Variants in RNGTT observed in about 807,000 individuals in gnomAD.
The protein encoded by RNGTT is mRNA-capping enzyme.
Under a neutral mutation model 79.3 loss-of-function variants are expected in RNGTT, and 33 were observed. The ratio of observed to expected loss-of-function variants is 0.42; its 90% CI spans 0.32 to 0.56. RNGTT has a LOEUF of 0.56. Among genes scored for constraint, RNGTT ranks in the 20% least tolerant of loss-of-function variants. The probability of loss-of-function intolerance (pLI) is 0.17; values close to 1 mark genes in which losing one functional copy is unlikely to be tolerated. For synonymous variants in RNGTT, 222 were observed against 235.9 expected (o/e 0.94, Z 0.54); for missense variants, 497 against 739.1 (o/e 0.67, Z 3.80).
At chr6:88,832,380 C>T (rs1780900999) in intron 11 of RNGTT, among the ~76,000 whole-genome samples, 2 of 152,142 alleles carry the variant, frequency 1.3e-5, no homozygotes, top group Admixed American at 6.5e-5. Flanking sequence ...GGAAAACTGG[C>T]TAGCAATATG....
chr6:88,645,315 A>C (rs369638605), intron 14 of RNGTT, among the ~76,000 whole-genome samples: 12 of 152,152 alleles, frequency 7.9e-5, no homozygotes, highest in South Asian at 2.1e-4. Flanking sequence ...AGGACCTCTT[A>C]AAGGAGAACT....
intron 13 of RNGTT, among the ~76,000 whole-genome samples, chr6:88,680,795 A>T (rs2610730): frequency 0.26 from 40,049 of 151,562 alleles, 9,253 homozygotes; most frequent in African/African-American, 0.63. Context: ...AGAGAATATT[A>T]ATAGCTGCTA....
chr6:88,864,165 G>C (rs770897332), intron 8 of RNGTT, among the ~76,000 whole-genome samples: 1 of 152,042 alleles, frequency 6.6e-6, no homozygotes, highest in Non-Finnish European at 1.5e-5. Context: ...ACAGGTCCTA[G>C]TCAAAGCACT....
intron 13 of RNGTT, among the ~76,000 whole-genome samples, chr6:88,714,090 T>A (rs993185548): frequency 6.6e-6 from 1 of 152,208 alleles, no homozygotes; most frequent in African/African-American, 2.4e-5. Context: ...TTTCCTCATC[T>A]ATAAAATGGA....
At chr6:88,642,525 C>CCTTTAAA in intron 14 of RNGTT, among the ~76,000 whole-genome samples, 1 of 152,270 alleles carries the variant, frequency 6.6e-6, no homozygotes, top group Admixed American at 6.5e-5. Context: ...CTTTAAAATG[C>CCTTTAAA]ACTCTTGCAT....
intron 13 of RNGTT, among the ~76,000 whole-genome samples, chr6:88,739,312 TCA>T (rs1251634957): frequency 1.3e-5 from 2 of 152,142 alleles, no homozygotes; most frequent in Non-Finnish European, 2.9e-5. Flanking sequence ...ACCCAGCAAT[TCA>T]CAGTTTAAAC....
At chr6:88,855,213 CAAGTT>C (rs1781804364) in intron 8 of RNGTT, among the ~76,000 whole-genome samples, 1 of 152,070 alleles carries the variant, frequency 6.6e-6, no homozygotes, top group Admixed American at 6.6e-5. Flanking sequence ...GCAGCTGAAT[CAAGTT>C]AAGATTAGGG....
At chr6:88,880,633 GTTA>G (rs1782667166) in intron 8 of RNGTT, among the ~76,000 whole-genome samples, 1 of 152,046 alleles carries the variant, frequency 6.6e-6, no homozygotes, top group Non-Finnish European at 1.5e-5. Context: ...CATAATCTGA[GTTA>G]TTATCTTTTA....
At chr6:88,940,541 G>A (rs1281172003) in intron 2 of RNGTT, among the ~76,000 whole-genome samples, 1 of 152,198 alleles carries the variant, frequency 6.6e-6, no homozygotes, top group Non-Finnish European at 1.5e-5. Context: ...AGTTTCCTTG[G>A]TAGCTCAGGG....
chr6:88,703,267 C>A (rs1776004992), intron 13 of RNGTT, among the ~76,000 whole-genome samples: 1 of 152,156 alleles, frequency 6.6e-6, no homozygotes, highest in South Asian at 2.1e-4. Context: ...CACTGTGACA[C>A]TATTCACAAT....
At chr6:88,707,552 G>A (rs1393369270) in intron 13 of RNGTT, among the ~76,000 whole-genome samples, 1 of 151,658 alleles carries the variant, frequency 6.6e-6, no homozygotes, top group Non-Finnish European at 1.5e-5. Flanking sequence ...AGAAAAAATT[G>A]AACAGGTAAC....
chr6:88,715,082 A>G (rs576590061), intron 13 of RNGTT, among the ~76,000 whole-genome samples: 1 of 152,336 alleles, frequency 6.6e-6, no homozygotes, highest in East Asian at 1.9e-4. Context: ...TCTCAGCCCA[A>G]AATCTCCTTA....
chr6:88,844,721 G>C (rs1781431933), intron 10 of RNGTT, among the ~76,000 whole-genome samples, 200 bp from the exon 11 acceptor site: 1 of 151,472 alleles, frequency 6.6e-6, no homozygotes, highest in African/African-American at 2.5e-5. Flanking sequence ...CACACAAAGA[G>C]ACTTATTTTA....
At chr6:88,956,604 C>T in intron 1 of RNGTT, among the ~76,000 whole-genome samples, 1 of 152,092 alleles carries the variant, frequency 6.6e-6, no homozygotes, top group Admixed American at 6.6e-5. Flanking sequence ...AAACTAGAGA[C>T]CAATATCCCT....
intron 14 of RNGTT, among the ~76,000 whole-genome samples, chr6:88,661,487 G>A (rs921061017): frequency 3.3e-5 from 5 of 152,052 alleles, no homozygotes; most frequent in Non-Finnish European, 7.4e-5. Context: ...TGAAATGGGA[G>A]ATACTACAAC....
At chr6:88,844,023 AG>A in intron 11 of RNGTT, among the ~76,000 whole-genome samples, 2 of 151,834 alleles carry the variant, frequency 1.3e-5, no homozygotes, top group South Asian at 4.2e-4. Flanking sequence ...CTTTACCTTC[AG>A]GATGTGTAGG....
intron 13 of RNGTT, among the ~76,000 whole-genome samples, chr6:88,713,167 G>A (rs775175888): frequency 1.1e-4 from 16 of 152,120 alleles, no homozygotes; most frequent in Non-Finnish European, 2.4e-4. Context: ...AGTCATGAGA[G>A]TAGAATCCTC....
intron 2 of RNGTT, among the ~76,000 whole-genome samples, chr6:88,930,144 ATATACG>A (rs1242194275): frequency 4.0e-5 from 6 of 148,320 alleles, no homozygotes; most frequent in South Asian, 2.1e-4. Context: ...ATACATATAC[ATATACG>A]TACATACATA....
chr6:88,815,002 G>A (rs1199649910), intron 11 of RNGTT, among the ~76,000 whole-genome samples: 2 of 152,202 alleles, frequency 1.3e-5, no homozygotes, highest in Non-Finnish European at 2.9e-5. Context: ...TCTAGGCCCA[G>A]GGGATATCCT....
Sources: allele counts gnomAD v4.1 joint callset (sites outside exome capture counted in the v4.1 genomes callset), GRCh38; gene constraint gnomAD v4.1.1; transcripts MANE v1.5; gene names NCBI Gene and HGNC (gene_info 2026-07-23, HGNC 2026-07-21).